The following AFDN variants were observed in gnomAD, a reference collection of about 807,000 sequenced individuals.
AFDN encodes afadin.
In AFDN, 68 loss-of-function variants were observed where a neutral mutation model predicts 216.6. The observed-to-expected ratio is 0.31, with a 90% confidence interval of 0.26 to 0.38. The LOEUF (loss-of-function observed/expected upper bound fraction) is 0.38, where lower values mean the gene tolerates loss of function less well. AFDN is among the 10% of genes least tolerant of loss of function. The pLI, the probability that AFDN is intolerant of heterozygous loss-of-function variation, is 1.00. For synonymous variants in AFDN, 868 were observed against 853.7 expected, an observed-to-expected ratio of 1.02 and a Z score of -0.29; for missense variants, 2,136 against 2,342.0, an observed-to-expected ratio of 0.91 and a Z score of 1.82.
intron 12 of AFDN, among the ~76,000 whole-genome samples, chr6:167,903,112 C>G (rs1007298784): frequency 6.6e-6 from 1 of 152,254 alleles, no homozygotes; most frequent in Admixed American, 6.5e-5. Flanking sequence ...CCATAATGAT[C>G]CCTTATCTCT....
intron 1 of AFDN, among the ~76,000 whole-genome samples, chr6:167,831,891 TCAGA>T (rs1779868044): frequency 6.6e-6 from 1 of 152,238 alleles, no homozygotes; most frequent in South Asian, 2.1e-4. Flanking sequence ...TGGTGTAATG[TCAGA>T]CAGTGTGTAC....
At position 167,947,822 on chromosome 6, in the gene AFDN, C is replaced by T. The variant is rs73034996; in HGVS notation, c.3554-31C>T. On this transcript the variant is annotated intron_variant, in intron 27 of 33. Coordinates refer to ENST00000683244, the MANE Select transcript of AFDN (RefSeq NM_001386888.1). ...TATATAGGTTGTTTATTTAATATTA[C>T]ACTTTTTTTTTTCCCCCCTGACTTG... 5.0e-6 allele frequency: 7 copies of T among 1,396,930 alleles called. No individual in the cohort carries two copies. The East Asian group carries it at 9.8e-5, about 20-fold the overall frequency. The allele number at this position is 1,396,930 out of a possible 1,614,324, so 86.5% of individuals were successfully genotyped here. A position where few individuals can be genotyped will look rare whatever the true frequency, so the allele number is the denominator to read the frequency against.
chr6:167,836,896 T>C (rs1780504521), intron 1 of AFDN, among the ~76,000 whole-genome samples: 2 of 152,200 alleles, frequency 1.3e-5, no homozygotes, highest in African/African-American at 4.8e-5. Flanking sequence ...CTTTCGTTGA[T>C]TCAGAACTCT....
chr6:167,874,567 A>G lies in AFDN; in HGVS notation c.579-768A>G, dbSNP rs184149625. 1.3e-4 allele frequency among the ~76,000 whole-genome samples: 19 copies of G among 151,876 alleles called. No individual in the cohort carries two copies. The East Asian group carries it at 3.7e-3, about 29-fold the overall frequency. On this transcript the variant is annotated intron_variant, in intron 4 of 33. Coordinates refer to ENST00000683244, the MANE Select transcript of AFDN (RefSeq NM_001386888.1). Reference sequence around the variant, plus strand: ...TTAAATCTTTTAGGTGTTAAAAAAAATCATTCCATTCAATTAATTTGGGCT... The same window carrying G: ...TTAAATCTTTTAGGTGTTAAAAAAAGTCATTCCATTCAATTAATTTGGGCT...
intron 12 of AFDN, among the ~76,000 whole-genome samples, chr6:167,904,262 GC>G (rs1789361293): frequency 6.6e-6 from 1 of 151,416 alleles, no homozygotes; most frequent in East Asian, 1.9e-4. Flanking sequence ...AGTTTGGAGT[GC>G]AGTGGCATGA....
At chr6:167,913,831 T>C in intron 16 of AFDN, 1 of 415,124 alleles carries the variant, frequency 2.4e-6, no homozygotes. Flanking sequence ...GATACATGTA[T>C]GTATACTGCA....
intron 30 of AFDN, among the ~76,000 whole-genome samples, chr6:167,961,698 A>G (rs1156603626): frequency 6.6e-6 from 1 of 152,232 alleles, no homozygotes; most frequent in Non-Finnish European, 1.5e-5. Context: ...TGTTACCTGA[A>G]AACAGAATGG....
intron 30 of AFDN, among the ~76,000 whole-genome samples, chr6:167,956,979 C>G (rs549259270): frequency 6.2e-4 from 95 of 152,350 alleles, no homozygotes; most frequent in African/African-American, 2.2e-3. Flanking sequence ...TCTCCTTTCA[C>G]TTAGACAGGC....
At chr6:167,843,220 G>A (rs1198079098) in intron 1 of AFDN, among the ~76,000 whole-genome samples, 1 of 152,086 alleles carries the variant, frequency 6.6e-6, no homozygotes, top group Non-Finnish European at 1.5e-5. Flanking sequence ...ATACTCAAAT[G>A]TTACATTAAT....
chr6:167,945,400 T>C (rs977010768), intron 26 of AFDN, among the ~76,000 whole-genome samples: 4 of 152,300 alleles, frequency 2.6e-5, no homozygotes, highest in African/African-American at 9.6e-5. Context: ...TACTTGACCA[T>C]TAACTCTTTT....
intron 28 of AFDN, 161 bp from the exon 29 acceptor site, chr6:167,948,132 T>A: frequency 1.3e-6 from 1 of 792,960 alleles, no homozygotes; most frequent in East Asian, 2.7e-5. Context: ...TTAATAAGTC[T>A]GGGCAAAATG....
intron 30 of AFDN, among the ~76,000 whole-genome samples, chr6:167,959,478 TTTC>T (rs1469891923): frequency 6.6e-6 from 1 of 152,208 alleles, no homozygotes; most frequent in East Asian, 1.9e-4. Context: ...GATCAGGTGT[TTTC>T]TTCATGTTTT....
chr6:167,844,177 AGTGTGTGTGTGTGT>A lies in AFDN; in HGVS notation c.105+16969_105+16982del, dbSNP rs71004173. Among the ~76,000 whole-genome samples, 595 of 141,786 alleles carry A rather than the reference AGTGTGTGTGTGTGT, an allele frequency of 4.2e-3. 2 individuals are homozygous for A. The highest frequency in any genetic ancestry group is 5.8e-3 in the Non-Finnish European group (380 of 65,246). 93.0% of individuals were successfully genotyped at this position (141,786 alleles called of 152,430 possible). On this transcript the variant is annotated intron_variant, in intron 1 of 33. Coordinates refer to ENST00000683244, the MANE Select transcript of AFDN (RefSeq NM_001386888.1). ...TTTGCTCTTGTAGACTCAAAAATGA[AGTGTGTGTGTGTGT>A]GTGTGTGTGTGTGTGTGTGTGTGTG...
intron 29 of AFDN, among the ~76,000 whole-genome samples, chr6:167,949,934 G>A (rs999723868): frequency 1.3e-5 from 2 of 152,296 alleles, no homozygotes; most frequent in Admixed American, 1.3e-4. Context: ...TTATGATGGG[G>A]TTTAAGCGAG....
chr6:167,877,747 G>C (rs1396505598), intron 5 of AFDN, among the ~76,000 whole-genome samples: 1 of 152,176 alleles, frequency 6.6e-6, no homozygotes, highest in Non-Finnish European at 1.5e-5. Flanking sequence ...TTTAGTGTGG[G>C]CTGGAGACAA....
At chr6:167,953,624 A>G (rs1796220917) in intron 30 of AFDN, among the ~76,000 whole-genome samples, 1 of 152,196 alleles carries the variant, frequency 6.6e-6, no homozygotes, top group Non-Finnish European at 1.5e-5. Flanking sequence ...TTTATTTGAA[A>G]AACCAACCAC....
intron 5 of AFDN, among the ~76,000 whole-genome samples, chr6:167,878,757 C>T (rs1407455374): frequency 2.0e-5 from 3 of 152,170 alleles, no homozygotes; most frequent in Non-Finnish European, 4.4e-5. Context: ...TGCCCCTTTT[C>T]CCCTCGCTCT....
chr6:167,828,175 A>T (rs1427170425), intron 1 of AFDN, among the ~76,000 whole-genome samples: 1 of 152,226 alleles, frequency 6.6e-6, no homozygotes, highest in African/African-American at 2.4e-5. Context: ...TTAGGAAATC[A>T]TTTTAATAGC....
chr6:167,873,172 T>C (rs1583234000), intron 4 of AFDN, among the ~76,000 whole-genome samples: 1 of 152,202 alleles, frequency 6.6e-6, no homozygotes, highest in African/African-American at 2.4e-5. Flanking sequence ...TCAGAATATA[T>C]AGATTTGCCA....
Sources: gnomAD v4.1 joint callset for allele counts (sites outside exome capture counted in the v4.1 genomes callset) on GRCh38, gnomAD v4.1.1 for gene constraint, MANE v1.5 for transcripts, NCBI Gene and HGNC (gene_info 2026-07-23, HGNC 2026-07-21) for gene names.